SYT2: variants seen among roughly 807,000 people sequenced by gnomAD.
The protein encoded by SYT2 is synaptotagmin-2.
In SYT2, 15 loss-of-function variants were observed where a neutral mutation model predicts 39.9. The ratio of observed to expected loss-of-function variants is 0.38; its 90% CI spans 0.25 to 0.58. SYT2 has a LOEUF of 0.58. Among genes scored for constraint, SYT2 ranks in the 20% least tolerant of loss-of-function variants. The probability of loss-of-function intolerance (pLI) is 0.70; values close to 1 mark genes in which losing one functional copy is unlikely to be tolerated. For missense variants in SYT2, 389 were observed against 530.3 expected (o/e 0.73, Z 2.62); for synonymous variants, 181 against 204.5 (o/e 0.89, Z 0.98).
intron 1 of SYT2, among the ~76,000 whole-genome samples, chr1:202,644,483 T>C (rs1481365733): frequency 2.0e-5 from 3 of 151,980 alleles, no homozygotes; most frequent in Non-Finnish European, 4.4e-5. Context: ...CGATAAGACC[T>C]CGGGGCCACA....
chr1:202,691,730 GGGGAGA>G (rs1558463423), intron 1 of SYT2, among the ~76,000 whole-genome samples: 1 of 13,824 alleles, frequency 7.2e-5, no homozygotes, highest in Non-Finnish European at 1.7e-4. Flanking sequence ...AGGGAGAGGG[GGGGAGA>G]GAGAGAGAGA....
chr1:202,655,289 G>A (rs1692260260), intron 1 of SYT2, among the ~76,000 whole-genome samples: 1 of 152,144 alleles, frequency 6.6e-6, no homozygotes, highest in South Asian at 2.1e-4. Context: ...GACAGGCCTT[G>A]AGGAAGCCCA....
At chr1:202,681,245 T>C (rs1331877294) in intron 1 of SYT2, among the ~76,000 whole-genome samples, 2 of 152,014 alleles carry the variant, frequency 1.3e-5, no homozygotes, top group Non-Finnish European at 2.9e-5. Context: ...CTGCCATCCC[T>C]GAAAGCTGCA....
At chr1:202,597,080 C>A in intron 8 of SYT2, 117 bp from the exon 9 acceptor site, 1 of 824,588 alleles carries the variant, frequency 1.2e-6, no homozygotes, top group African/African-American at 1.7e-5. Context: ...CCTGGGGCTC[C>A]TTGGTTTCAT....
At chr1:202,661,145 G>A (rs1042334107) in intron 1 of SYT2, among the ~76,000 whole-genome samples, 3 of 152,058 alleles carry the variant, frequency 2.0e-5, no homozygotes, top group African/African-American at 7.2e-5. Context: ...GCTATGGAGT[G>A]CTGACTCCTG....
intron 1 of SYT2, among the ~76,000 whole-genome samples, chr1:202,708,111 C>T (rs1265903825): frequency 6.6e-6 from 1 of 152,196 alleles, no homozygotes; most frequent in Admixed American, 6.5e-5. Context: ...AAGCCAGTTG[C>T]AAGCTTCTCT....
At position 202,596,864 on chromosome 1, in the gene SYT2, G is replaced by C; in HGVS notation, c.1153C>G (p.Leu385Val). 1 of 1,614,242 alleles carries C rather than the reference G, an allele frequency of 6.2e-7. No individual in the cohort carries two copies. Among genetic ancestry groups the C allele is most frequent in the South Asian group, 1.1e-5 (1 of 91,092 alleles). ...FVGSNATGTE[L>V]RHWSDMLANP... Reference sequence around the variant, plus strand: ...GCCAGCATGTCGGACCAGTGCCGCAGCTCTGTGCCCGTGGCATTGCTGCCC... The same window carrying C: ...GCCAGCATGTCGGACCAGTGCCGCACCTCTGTGCCCGTGGCATTGCTGCCC... Residue 385 changes from leucine (L) to valine (V), a missense_variant, in exon 9 of 9, where the codon CTG becomes GTG. Leu to Val is a conservative substitution (Grantham distance 32). This residue lies in a region of SYT2 where 84 missense variants were observed against 123.1 expected (regional missense o/e 0.68). Transcript: ENST00000367268.
chr1:202,659,855 A>G (rs1692346485), intron 1 of SYT2, among the ~76,000 whole-genome samples: 1 of 152,056 alleles, frequency 6.6e-6, no homozygotes, highest in Non-Finnish European at 1.5e-5. Flanking sequence ...CTGACATGTA[A>G]GTTGGGGGTG....
Position 202,629,867 on chromosome 1 carries a change from T to TTG in SYT2, c.-17-24079_-17-24078insCA, listed in dbSNP as rs1691522131. 7.6e-5 allele frequency among the ~76,000 whole-genome samples: 3 copies of TTG among 39,540 alleles called. No homozygotes were observed. The South Asian group carries it at 2.8e-3, about 37-fold the overall frequency. 25.9% of individuals were successfully genotyped at this position (39,540 alleles called of 152,430 possible). A position where few individuals can be genotyped will look rare whatever the true frequency, so the allele number is the denominator to read the frequency against. ...GCGGCCATACCCAGCAGGCAGCTGGTGGGGGGGGGGGGGTGGTACGGCAGG... is the reference window on the plus strand; with the variant it reads ...GCGGCCATACCCAGCAGGCAGCTGGTTGGGGGGGGGGGGGGTGGTACGGCAGG... On this transcript the variant is annotated intron_variant, in intron 1 of 8. Coordinates refer to ENST00000367268, the MANE Select transcript of SYT2 (RefSeq NM_177402.5).
At chr1:202,620,368 T>C (rs1370927195) in intron 1 of SYT2, among the ~76,000 whole-genome samples, 1 of 152,168 alleles carries the variant, frequency 6.6e-6, no homozygotes, top group Non-Finnish European at 1.5e-5. Context: ...TAACTGCCTC[T>C]GGCCCCCTTT....
chr1:202,703,271 G>A (rs945246596), intron 1 of SYT2, among the ~76,000 whole-genome samples: 4 of 103,902 alleles, frequency 3.8e-5, no homozygotes, highest in African/African-American at 1.4e-4. Context: ...CCCGGCCACC[G>A]CTCCCCTCCC....
At chr1:202,665,782 CTTGTT>C (rs1692470870) in intron 1 of SYT2, among the ~76,000 whole-genome samples, 1 of 152,136 alleles carries the variant, frequency 6.6e-6, no homozygotes, top group Non-Finnish European at 1.5e-5. Context: ...AATGTTTACA[CTTGTT>C]TTGTTGTTTA....
chr1:202,663,817 G>T (rs1188025099), intron 1 of SYT2, among the ~76,000 whole-genome samples: 1 of 152,174 alleles, frequency 6.6e-6, no homozygotes, highest in East Asian at 1.9e-4. Flanking sequence ...CGCTGTGCCT[G>T]GGTGCTGAGG....
intron 1 of SYT2, among the ~76,000 whole-genome samples, chr1:202,695,863 C>T (rs977037274): frequency 6.6e-6 from 1 of 152,228 alleles, no homozygotes; most frequent in Non-Finnish European, 1.5e-5. Context: ...AATCACCTGC[C>T]AGTTGTCTCA....
intron 1 of SYT2, among the ~76,000 whole-genome samples, chr1:202,699,868 G>GTTGA (rs1216887194): frequency 1.3e-5 from 2 of 151,974 alleles, no homozygotes; most frequent in Admixed American, 6.6e-5. Flanking sequence ...TCACCGTTGA[G>GTTGA]TTGATTGCTT....
At chr1:202,665,087 AATTT>A (rs1692457351) in intron 1 of SYT2, among the ~76,000 whole-genome samples, 1 of 152,214 alleles carries the variant, frequency 6.6e-6, no homozygotes, top group South Asian at 2.1e-4. Context: ...AATTTAAAAT[AATTT>A]ATTTATGTAT....
At chr1:202,616,821 G>A (rs1401138962) in intron 1 of SYT2, among the ~76,000 whole-genome samples, 3 of 152,102 alleles carry the variant, frequency 2.0e-5, no homozygotes, top group Admixed American at 1.3e-4. Context: ...GGTTCCTTCT[G>A]CACCCAGGCA....
chr1:202,616,293 A>C (rs191617652), intron 1 of SYT2, among the ~76,000 whole-genome samples: 1 of 152,274 alleles, frequency 6.6e-6, no homozygotes, highest in Admixed American at 6.5e-5. Context: ...TGGTTAAGCC[A>C]GTTCCCGTTC....
rs1690238774 is a variant in SYT2, at chr1:202,595,087, A to C, written c.*1670T>G. 6.6e-6 allele frequency: 1 copy of C among 152,226 alleles called. No homozygotes were observed. Among genetic ancestry groups the C allele is most frequent in the Admixed American group, 6.5e-5 (1 of 15,286 alleles). 9.4% of individuals were successfully genotyped at this position (152,226 alleles called of 1,614,324 possible). On this transcript the variant is annotated 3_prime_UTR_variant, in exon 9 of 9. Coordinates refer to ENST00000367268, the MANE Select transcript of SYT2 (RefSeq NM_177402.5). ...GAAGCCATGAGTTTTCTGTGGTGAA[A>C]AAATGGCAAGGGCCTGAGGGCTTCA...
Sources: gnomAD v4.1 joint callset for allele counts (sites outside exome capture counted in the v4.1 genomes callset) on GRCh38, gnomAD v4.1.1 for gene constraint, gnomAD v4.1.1 regional missense constraint, MANE v1.5 for transcripts, NCBI Gene and HGNC (gene_info 2026-07-23, HGNC 2026-07-21) for gene names.